Variants in GSPT1 observed in about 807,000 individuals in gnomAD.
The protein encoded by GSPT1 is G1 to S phase transition 1, also known as eukaryotic peptide chain release factor GTP-binding subunit ERF3A.
Under a neutral mutation model 72.5 loss-of-function variants are expected in GSPT1, and 20 were observed. The observed-to-expected ratio is 0.28, with a 90% CI of 0.19 to 0.40. GSPT1 has a LOEUF of 0.40. GSPT1 is among the 10% of genes least tolerant of loss of function. GSPT1 has a pLI of 1.00. For missense variants in GSPT1, 580 were observed against 811.9 expected (o/e 0.71, Z 3.47); for synonymous variants, 334 against 293.5 (o/e 1.14, Z -1.41).
intron 1 of GSPT1, among the ~76,000 whole-genome samples, chr16:11,914,263 C>T (rs2054596846): frequency 6.6e-6 from 1 of 152,184 alleles, no homozygotes; most frequent in South Asian, 2.1e-4. Context: ...ACTCATTTGA[C>T]ATTCCCACAA....
At position 11,891,151 on chromosome 16, in the gene GSPT1, T is replaced by C; in HGVS notation, c.699-12A>G. 7.4e-7 allele frequency: 1 copy of C among 1,353,988 alleles called. No homozygotes were observed. The highest frequency in any genetic ancestry group is 1.0e-6 in the Non-Finnish European group (1 of 996,668). The allele number at this position is 1,353,988 out of a possible 1,614,324, so 83.9% of individuals were successfully genotyped here. A position where few individuals can be genotyped will look rare whatever the true frequency, so the allele number is the denominator to read the frequency against. ...TTCCAGTCAAATACCTGAAAACATT[T>C]AAAGAAAAAAAAAAGTAAACAATTA... On this transcript the variant is annotated splice_polypyrimidine_tract_variant and intron_variant, in intron 5 of 14. Coordinates refer to ENST00000434724, the MANE Select transcript of GSPT1 (RefSeq NM_002094.4).
At chr16:11,876,298 G>C (rs1302158458) in intron 12 of GSPT1, 123 bp from the exon 13 acceptor site, 1 of 711,366 alleles carries the variant, frequency 1.4e-6, no homozygotes, top group Non-Finnish European at 2.5e-6. Flanking sequence ...CAACTTAAGT[G>C]ATTTTTGTGT....
In GSPT1 at chr16:11,870,480, T is replaced by C. The variant is rs1362930292; in HGVS notation, c.*2639A>G. ...GAGAACAAATGCTTAGGTAATACCC[T>C]AAATATGCAGCCAACTACCCTATTT... is the stretch of plus-strand genomic sequence containing the variant. On this transcript the variant is annotated 3_prime_UTR_variant, in exon 15 of 15. Coordinates refer to ENST00000434724, the MANE Select transcript of GSPT1 (RefSeq NM_002094.4). 6.6e-6 allele frequency: 1 copy of C among 152,250 alleles called. No individual in the cohort carries two copies. The highest frequency in any genetic ancestry group is 1.5e-5 in the Non-Finnish European group (1 of 68,042). 9.4% of individuals were successfully genotyped at this position (152,250 alleles called of 1,614,324 possible).
intron 1 of GSPT1, among the ~76,000 whole-genome samples, chr16:11,907,577 G>A (rs1248178467): frequency 6.6e-6 from 1 of 151,668 alleles, no homozygotes; most frequent in Non-Finnish European, 1.5e-5. Context: ...CTACACGCTA[G>A]TTGTAGTAAT....
At chr16:11,890,499 G>A (rs456485) in intron 6 of GSPT1, among the ~76,000 whole-genome samples, 9,491 of 151,974 alleles carry the variant, frequency 0.062, 377 homozygotes, top group South Asian at 0.16. Flanking sequence ...CATTTCTCCC[G>A]CTTATTTTAG....
At chr16:11,886,181 T>A (rs768378286) in intron 9 of GSPT1, among the ~76,000 whole-genome samples, 1 of 151,602 alleles carries the variant, frequency 6.6e-6, no homozygotes, top group Non-Finnish European at 1.5e-5. Flanking sequence ...AGGCAATCCA[T>A]AAAGTGGGAG....
chr16:11,912,021 G>C (rs944710723), intron 1 of GSPT1, among the ~76,000 whole-genome samples: 21 of 144,534 alleles, frequency 1.5e-4, no homozygotes, highest in African/African-American at 4.7e-4. Flanking sequence ...GAATTTTACA[G>C]TGTGTAAGTT....
At chr16:11,885,132 CAAT>C (rs770076415) in intron 10 of GSPT1, 46 bp downstream of exon 10, 9 of 851,980 alleles carry the variant, frequency 1.1e-5, no homozygotes, top group East Asian at 4.8e-5. Flanking sequence ...AAATGCACAA[CAAT>C]GATTTCCCCT....
rs1428488922 is a variant in GSPT1, at chr16:11,869,579, T to C, written c.*3540A>G. ...CTATAACCACATTTTTCACAAAGGG[T>C]TTTAAAGTTGAAAGTTGCCTGATGT... On this transcript the variant is annotated 3_prime_UTR_variant, in exon 15 of 15. Coordinates refer to ENST00000434724, the MANE Select transcript of GSPT1 (RefSeq NM_002094.4). 6.6e-6 allele frequency: 1 copy of C among 152,116 alleles called. No individual in the cohort carries two copies. The allele number at this position is 152,116 out of a possible 1,614,324, so 9.4% of individuals were successfully genotyped here.
chr16:11,895,043 A>G (rs2054316629), intron 4 of GSPT1, 56 bp from the exon 5 acceptor site: 1 of 1,068,872 alleles, frequency 9.4e-7, no homozygotes, highest in Non-Finnish European at 1.4e-6. Flanking sequence ...CAATGGCTAA[A>G]TATGCAAACA....
In GSPT1 at chr16:11,897,976, C is replaced by G; in HGVS notation, c.394+18G>C. On this transcript the variant is annotated intron_variant, in intron 2 of 14. Coordinates refer to ENST00000434724, the MANE Select transcript of GSPT1 (RefSeq NM_002094.4). ...CCTAATGTTTTCTCAAGTAGACTTTCAAAGAGTACATCATTACCTTCACAC... is the reference window on the plus strand; with the variant it reads ...CCTAATGTTTTCTCAAGTAGACTTTGAAAGAGTACATCATTACCTTCACAC... 4 of 1,534,572 alleles carry G rather than the reference C, an allele frequency of 2.6e-6. No homozygotes were observed. In the South Asian group the frequency reaches 4.8e-5, roughly 18 times the overall value.
chr16:11,883,214 A>T, intron 10 of GSPT1, 119 bp from the exon 11 acceptor site: 1 of 661,202 alleles, frequency 1.5e-6, no homozygotes, highest in Non-Finnish European at 2.7e-6. Context: ...GCTTAAGTAG[A>T]AGGCTTAGGT....
intron 1 of GSPT1, among the ~76,000 whole-genome samples, chr16:11,904,403 C>T (rs2054460866): frequency 1.3e-5 from 2 of 152,038 alleles, no homozygotes; most frequent in South Asian, 2.1e-4. Flanking sequence ...GGGGTTTCAC[C>T]ATGTTGGCCA....
chr16:11,895,958 T>C (rs544432388), intron 4 of GSPT1, among the ~76,000 whole-genome samples: 2 of 152,300 alleles, frequency 1.3e-5, no homozygotes, highest in Admixed American at 6.5e-5. Flanking sequence ...TTCTTGCTAC[T>C]AAAAGAAGGG....
At position 11,897,836 on chromosome 16, in the gene GSPT1, T is replaced by G. The variant is rs756233361; in HGVS notation, c.436+4A>C. The G allele has an allele frequency of 6.7e-7, 1 of 1,482,126 alleles. No individual in the cohort carries two copies. 91.8% of individuals were successfully genotyped at this position (1,482,126 alleles called of 1,614,324 possible). A position where few individuals can be genotyped will look rare whatever the true frequency, so the allele number is the denominator to read the frequency against. On this transcript the variant is annotated splice_donor_region_variant and intron_variant, in intron 3 of 14. Transcript: ENST00000434724. The stretch of plus-strand genomic sequence containing the variant: ...TGTATTAATATGGTCAGAAATTTTC[T>G]TACCAATAGGTTCTGAAAGTTCCAT...
At chr16:11,891,511 A>T (rs2054260827) in intron 5 of GSPT1, among the ~76,000 whole-genome samples, 1 of 150,660 alleles carries the variant, frequency 6.6e-6, no homozygotes, top group Non-Finnish European at 1.5e-5. Context: ...ACAGGCACCC[A>T]CCACCAAACC....
chr16:11,901,338 T>C (rs1205557831), intron 1 of GSPT1, among the ~76,000 whole-genome samples: 5 of 152,170 alleles, frequency 3.3e-5, no homozygotes, highest in African/African-American at 1.2e-4. Flanking sequence ...AGGAAATAGA[T>C]GATTAGGGTG....
chr16:11,907,259 A>G (rs999162170), intron 1 of GSPT1, among the ~76,000 whole-genome samples: 1 of 152,202 alleles, frequency 6.6e-6, no homozygotes, highest in East Asian at 1.9e-4. Context: ...ACTTTAATAC[A>G]AAATCACAAG....
In GSPT1 at chr16:11,876,194, CATTCTT is replaced by C; in HGVS notation, c.1603-25_1603-20del. 7.0e-7 allele frequency: 1 copy of C among 1,435,842 alleles called. No homozygotes were observed. The highest frequency in any genetic ancestry group is 9.8e-7 in the Non-Finnish European group (1 of 1,018,118). 88.9% of individuals were successfully genotyped at this position (1,435,842 alleles called of 1,614,324 possible). On this transcript the variant is annotated intron_variant, in intron 12 of 14. Coordinates refer to ENST00000434724, the MANE Select transcript of GSPT1 (RefSeq NM_002094.4). ...TCACTATCTGTCAAACAAACACACA[CATTCTT>C]ATCTTTAGCCTTAGGGTAAATAAGA...
Sources: allele counts gnomAD v4.1 joint callset (sites outside exome capture counted in the v4.1 genomes callset), GRCh38; gene constraint gnomAD v4.1.1; transcripts MANE v1.5; gene names NCBI Gene and HGNC (gene_info 2026-07-23, HGNC 2026-07-21).